Variants in WEE1 observed in about 807,000 individuals in gnomAD.
The protein encoded by WEE1 is WEE1 G2 checkpoint kinase.
A neutral mutation model predicts 68.8 loss-of-function variants in WEE1; 16 were observed. The ratio of observed to expected loss-of-function variants is 0.23; its 90% CI spans 0.16 to 0.35. The LOEUF (loss-of-function observed/expected upper bound fraction) is 0.35, where lower values mean the gene tolerates loss of function less well. WEE1 is among the 10% of genes least tolerant of loss of function. The probability of loss-of-function intolerance (pLI) is 1.00; values close to 1 mark genes in which losing one functional copy is unlikely to be tolerated. For synonymous variants in WEE1, 349 were observed against 318.7 expected (o/e 1.09, Z -1.01); for missense variants, 651 against 824.1 (o/e 0.79, Z 2.57).
chr11:9,580,170 C>T (rs1849608783), intron 5 of WEE1: 1 of 151,968 alleles, frequency 6.6e-6, no homozygotes, highest in African/African-American at 2.4e-5. Flanking sequence ...TATGGGGAAA[C>T]AGGTATGCTC....
Position 9,580,458 on chromosome 11 carries a change from C to CTTTTTTTTTTTT in WEE1, c.1142-1071_1142-1070insTTTTTTTTTTTT, listed in dbSNP as rs374484716. 14 of 126,918 alleles carry CTTTTTTTTTTTT rather than the reference C, an allele frequency of 1.1e-4. 1 individual carries two copies. Among genetic ancestry groups the CTTTTTTTTTTTT allele is most frequent in the Admixed American group, 2.5e-4 (3 of 11,852 alleles). The allele number at this position is 126,918 out of a possible 1,614,324, so 7.9% of individuals were successfully genotyped here. On this transcript the variant is annotated intron_variant, in intron 5 of 10. Coordinates refer to ENST00000450114, the MANE Select transcript of WEE1 (RefSeq NM_003390.4). ...GACTGATAAATGCATTTCTTTCTTTCTTTCTTTTTTTTTTTTTTTTTCGGG... is the reference window on the plus strand; with the variant it reads ...GACTGATAAATGCATTTCTTTCTTTCTTTTTTTTTTTTTTTCTTTTTTTTTTTTTTTTTCGGG...
intron 4 of WEE1, 42 bp from the exon 5 acceptor site, chr11:9,577,100 T>A (rs751545364): frequency 5.1e-6 from 8 of 1,575,568 alleles, no homozygotes; most frequent in Non-Finnish European, 6.9e-6. Flanking sequence ...TAAGCTTGAG[T>A]GAAAATTATT....
chr11:9,584,544 A>G (rs1179838939), intron 6 of WEE1, among the ~76,000 whole-genome samples: 1 of 152,226 alleles, frequency 6.6e-6, no homozygotes, highest in Non-Finnish European at 1.5e-5. Flanking sequence ...TAATGTGTAT[A>G]CAATAGGAAA....
chr11:9,583,759 GCGCACACACACACACACACACACA>G (rs1395106115), intron 6 of WEE1, among the ~76,000 whole-genome samples: 59 of 41,604 alleles, frequency 1.4e-3, no homozygotes, highest in Non-Finnish European at 2.4e-3. Context: ...GTGCACGCGC[GCGCACACACACACACACACACACA>G]CACACACACA....
chr11:9,581,709 C>G, intron 6 of WEE1, 31 bp downstream of exon 6: 1 of 1,585,022 alleles, frequency 6.3e-7, no homozygotes, highest in East Asian at 2.2e-5. Context: ...GACCTGTGTT[C>G]TTTGGGGTTA....
At chr11:9,578,043 A>G (rs534700763) in intron 5 of WEE1, 9 of 359,334 alleles carry the variant, frequency 2.5e-5, no homozygotes, top group South Asian at 2.0e-4. Flanking sequence ...TTTGTAGTTT[A>G]TAAGTGTGAT....
chr11:9,586,814 T>C lies in WEE1; in HGVS notation c.1745T>C (p.Ile582Thr), dbSNP rs1447666670. 1 of 1,612,534 alleles carries C rather than the reference T, an allele frequency of 6.2e-7. No homozygotes were observed. The highest frequency in any genetic ancestry group is 1.7e-5 in the Admixed American group (1 of 59,660). The change falls in exon 10 of 11, where the codon ATA becomes ACA. Residue 582 changes from isoleucine to threonine, a missense_variant. Physicochemically the swap from Ile to Thr is moderately conservative, Grantham distance 89. Transcript: ENST00000450114. ...ASRKSAEQLR[I>T]ELNAEKFKNS... Reference sequence around the variant, plus strand: ...AGAAAGAGTGCAGAACAATTACGAATAGAATTGAATGCCGAAAAGTTCAAA... The same window carrying C: ...AGAAAGAGTGCAGAACAATTACGAACAGAATTGAATGCCGAAAAGTTCAAA...
chr11:9,582,866 GTT>G (rs1223992927), intron 6 of WEE1, among the ~76,000 whole-genome samples: 1 of 152,076 alleles, frequency 6.6e-6, no homozygotes, highest in African/African-American at 2.4e-5. Context: ...TGCCCAGCAT[GTT>G]TTTTATTTTC....
In WEE1 at chr11:9,576,496, A is replaced by G; in HGVS notation, c.856A>G (p.Ile286Val). The G allele has an allele frequency of 6.2e-7, 1 of 1,609,070 alleles. No individual in the cohort carries two copies. Among genetic ancestry groups the G allele is most frequent in the Non-Finnish European group, 8.5e-7 (1 of 1,178,698 alleles). ...ACACTTTTTATTACAGAGAATTACA[A>G]TTACTGAAAGCAATATGAAGTCCCG... Reference protein sequence around the residue: ...DETRPAKRITITESNMKSRYT... With the variant: ...DETRPAKRITVTESNMKSRYT... Residue 286 changes from isoleucine to valine, a missense_variant, in exon 4 of 11, where the codon ATT becomes GTT. By Grantham distance (29) the Ile-to-Val change is conservative. Transcript: ENST00000450114. This position sits in a 1 kb window ranked among gnomAD's most constrained non-coding sequence, Gnocchi z 4.3.
Position 9,581,578 on chromosome 11 carries a change from T to C in WEE1, c.1188T>C (p.Ser396=). 6.2e-7 allele frequency: 1 copy of C among 1,612,002 alleles called. No individual in the cohort carries two copies. The highest frequency in any genetic ancestry group is 2.2e-5 in the East Asian group (1 of 44,846). The change falls in exon 6 of 11, where the codon AGT becomes AGC. Residue 396 remains serine, a synonymous_variant. Coordinates refer to ENST00000450114, the MANE Select transcript of WEE1 (RefSeq NM_003390.4). ...DAISENYRIM[S]YFKEAELKDL... Reference sequence around the variant, plus strand: ...TAAGTGAAAACTACAGAATCATGAGTTACTTTAAAGAAGCAGAGTTGAAGG... The same window carrying C: ...TAAGTGAAAACTACAGAATCATGAGCTACTTTAAAGAAGCAGAGTTGAAGG...
chr11:9,578,732 T>TATTTAC (rs1849590902), intron 5 of WEE1: 1 of 152,140 alleles, frequency 6.6e-6, no homozygotes, highest in African/African-American at 2.4e-5. Flanking sequence ...AACCTACCAA[T>TATTTAC]ACATGGTTGT....
chr11:9,574,476 G>C lies in WEE1; in HGVS notation c.543G>C (p.Lys181Asn), dbSNP rs1849541493. Residue 181 changes from lysine (K) to asparagine (N), a missense_variant, in exon 1 of 11, where the codon AAG (lysine) becomes AAC (asparagine). Coordinates refer to ENST00000450114, the MANE Select transcript of WEE1 (RefSeq NM_003390.4). This position sits in a 1 kb window ranked among gnomAD's most constrained non-coding sequence, Gnocchi z 4.9. ...CCCCGCCACACAAGACCTTCCGCAA[G>C]CTGCGACTCTTCGACACCCCGCACA... ...PGTPPHKTFR[K>N]LRLFDTPHTP... is the part of the protein sequence containing the mutation. 7.9e-7 allele frequency: 1 copy of C among 1,260,210 alleles called. No homozygotes were observed. The highest frequency in any genetic ancestry group is 1.6e-5 in the African/African-American group (1 of 63,308). 78.1% of individuals were successfully genotyped at this position (1,260,210 alleles called of 1,614,324 possible). A position where few individuals can be genotyped will look rare whatever the true frequency, so the allele number is the denominator to read the frequency against.
rs760634830 is a variant in WEE1 at position 9,586,506 on chromosome 11, G to A, written c.1528G>A (p.Ala510Thr). The change falls in exon 9 of 11, where the codon GCT becomes ACT. Residue 510 changes from alanine to threonine, a missense_variant. Physicochemically the swap from Ala to Thr is moderately conservative, Grantham distance 58 (BLOSUM62 0). Transcript: ENST00000450114. ...TGCGCTTGCCCTCACAGTGGTATGT[G>A]CTGCTGGTGCTGAACCTCTTCCGAG... is the stretch of plus-strand genomic sequence containing the variant. ...IFALALTVVC[A>T]AGAEPLPRNG... The A allele has an allele frequency of 6.2e-7, 1 of 1,614,102 alleles. No homozygotes were observed.
Position 9,574,129 on chromosome 11 carries a change from C to T in WEE1, c.196C>T (p.Arg66Trp). 1 of 1,206,162 alleles carries T rather than the reference C, an allele frequency of 8.3e-7. No homozygotes were observed. The highest frequency in any genetic ancestry group is 3.9e-5 in the South Asian group (1 of 25,658). 74.7% of individuals were successfully genotyped at this position (1,206,162 alleles called of 1,614,324 possible). Residue 66 changes from arginine (R) to tryptophan (W), a missense_variant, in exon 1 of 11, where the codon CGG becomes TGG. Physicochemically the swap from Arg to Trp is moderately radical, Grantham distance 101. This residue lies in a region of WEE1 where 395 missense variants were observed against 378.4 expected (regional missense o/e 1.04). Transcript: ENST00000450114. This position sits in a 1 kb window ranked among gnomAD's most constrained non-coding sequence, Gnocchi z 4.9. Reference protein sequence around the residue: ...QEPDSPLPPARSPTEPGPERR... With the variant: ...QEPDSPLPPAWSPTEPGPERR... ...GCCCGACTCGCCGCTGCCGCCCGCG[C>T]GGAGCCCCACGGAGCCCGGGCCCGA...
Position 9,576,112 on chromosome 11 carries a change from A to T in WEE1, c.782+19A>T. ...GGAATGAGTAAGTCGTTTATTTAAC[A>T]GTTTGGTTCTCCAAATAACCTAAGA... On this transcript the variant is annotated intron_variant, in intron 2 of 10. Coordinates refer to ENST00000450114, the MANE Select transcript of WEE1 (RefSeq NM_003390.4). The surrounding 1 kb of genome is among the most constrained non-coding windows in gnomAD (Gnocchi z 4.3). 1 of 1,613,076 alleles carries T rather than the reference A, an allele frequency of 6.2e-7. No individual in the cohort carries two copies. The highest frequency in any genetic ancestry group is 8.5e-7 in the Non-Finnish European group (1 of 1,179,238).
In WEE1 at chr11:9,588,727, T is replaced by C; in HGVS notation, c.*125T>C. 7.3e-7 allele frequency: 1 copy of C among 1,361,784 alleles called. No homozygotes were observed. The highest frequency in any genetic ancestry group is 9.5e-7 in the Non-Finnish European group (1 of 1,056,236). The allele number at this position is 1,361,784 out of a possible 1,614,324, so 84.4% of individuals were successfully genotyped here. Reference sequence around the variant, plus strand: ...CAGTAGTTTTACTGATTAGGACTTTTATTGTGAATTACAGTTGAAAGCTGT... The same window carrying C: ...CAGTAGTTTTACTGATTAGGACTTTCATTGTGAATTACAGTTGAAAGCTGT... On this transcript the variant is annotated 3_prime_UTR_variant, in exon 11 of 11. Transcript: ENST00000450114.
rs1214257467 is a variant in WEE1, at chr11:9,574,362, C to CG, written c.431dup (p.Gly145ArgfsTer58). 8.1e-7 allele frequency: 1 copy of CG among 1,239,838 alleles called. No individual in the cohort carries two copies. The highest frequency in any genetic ancestry group is 1.6e-5 in the African/African-American group (1 of 63,326). The allele number at this position is 1,239,838 out of a possible 1,614,324, so 76.8% of individuals were successfully genotyped here. The stretch of plus-strand genomic sequence containing the variant: ...GTAGCTCTTTCTCGCCGGTGCGCTG[C>CG]GGCGGCCCAGGAGATGCGTCGCCGC... On this transcript the variant is annotated frameshift_variant, in exon 1 of 11. Coordinates refer to ENST00000450114, the MANE Select transcript of WEE1 (RefSeq NM_003390.4). LOFTEE classifies it high-confidence loss of function. This position sits in a 1 kb window ranked among gnomAD's most constrained non-coding sequence, Gnocchi z 4.9.
chr11:9,589,685 G>A lies in WEE1; in HGVS notation c.*1083G>A, dbSNP rs1849741119. ...TCTCATTAATTTTGGTCTAAAACATGTTTGCACTTGTCTTTGACTTGTGTT... is the reference window on the plus strand; with the variant it reads ...TCTCATTAATTTTGGTCTAAAACATATTTGCACTTGTCTTTGACTTGTGTT... On this transcript the variant is annotated 3_prime_UTR_variant, in exon 11 of 11. Transcript: ENST00000450114. 2 of 985,614 alleles carry A rather than the reference G, an allele frequency of 2.0e-6. No homozygotes were observed. The highest frequency in any genetic ancestry group is 2.3e-4 in the East Asian group (2 of 8,826). 61.1% of individuals were successfully genotyped at this position (985,614 alleles called of 1,614,324 possible).
rs371859938 is a variant in WEE1, at chr11:9,583,802, CATATATATATATATATATATATATATAT to C, written c.1289-1438_1289-1411del. 4.5e-3 allele frequency among the ~76,000 whole-genome samples: 80 copies of C among 17,862 alleles called. 1 individual carries two copies. The highest frequency in any genetic ancestry group is 0.018 in the African/African-American group (74 of 4,022). 11.7% of individuals were successfully genotyped at this position (17,862 alleles called of 152,430 possible). A position where few individuals can be genotyped will look rare whatever the true frequency, so the allele number is the denominator to read the frequency against. ...ACACACACACACACACACACACACACATATATATATATATATATATATATATATATATATATATATATATACTTTTTTT... is the reference window on the plus strand; with the variant it reads ...ACACACACACACACACACACACACACATATATATATATATATACTTTTTTT... On this transcript the variant is annotated intron_variant, in intron 6 of 10. Coordinates refer to ENST00000450114, the MANE Select transcript of WEE1 (RefSeq NM_003390.4).
Sources: allele counts gnomAD v4.1 joint callset (sites outside exome capture counted in the v4.1 genomes callset), GRCh38; gene constraint gnomAD v4.1.1; regional missense constraint gnomAD v4.1.1; non-coding constraint Gnocchi (gnomAD v3.1); transcripts MANE v1.5; gene names NCBI Gene and HGNC (gene_info 2026-07-23, HGNC 2026-07-21).